TTC6: variants seen among roughly 807,000 people sequenced by gnomAD.
TTC6 encodes tetratricopeptide repeat domain 6, also known as tetratricopeptide repeat protein 6.
TTC6 carries 172 observed loss-of-function variants against 210.4 expected under a neutral mutation model. The ratio of observed to expected loss-of-function variants is 0.82; its 90% confidence interval spans 0.72 to 0.93. TTC6 has a LOEUF of 0.93. TTC6 is among the 40% of genes least tolerant of loss of function. The probability of loss-of-function intolerance (pLI) is 0.00; values close to 1 mark genes in which losing one functional copy is unlikely to be tolerated. For synonymous variants in TTC6, 804 were observed against 819.6 expected, an observed-to-expected ratio of 0.98 and a Z score of 0.32; for missense variants, 2,414 against 2,318.1, an observed-to-expected ratio of 1.04 and a Z score of -0.85.
At chr14:37,783,842 A>G (rs1188403997) in intron 14 of TTC6, among the ~76,000 whole-genome samples, 2 of 152,128 alleles carry the variant, frequency 1.3e-5, no homozygotes, top group East Asian at 1.9e-4. Context: ...CTTTGTTCTC[A>G]CTGGTTTCAA....
At chr14:37,620,331 CCTTA>C (rs376754582), upstream of TTC6, among the ~76,000 whole-genome samples, 9 of 152,180 alleles carry the variant, frequency 5.9e-5, no homozygotes, top group African/African-American at 9.6e-5. Context: ...GGTGTTTCTG[CCTTA>C]CTGTTTTATT....
chr14:37,638,991 T>C (rs1373972084), intron 1 of TTC6, among the ~76,000 whole-genome samples: 12 of 152,228 alleles, frequency 7.9e-5, no homozygotes, highest in Admixed American at 3.9e-4. Context: ...TACAAATGTG[T>C]GTGTACATAC....
At chr14:37,652,230 T>C (rs1435911750) in intron 1 of TTC6, among the ~76,000 whole-genome samples, 2 of 152,112 alleles carry the variant, frequency 1.3e-5, no homozygotes, top group Non-Finnish European at 2.9e-5. Context: ...TTTTTATAGG[T>C]AAAAAATGAT....
intron 1 of TTC6, among the ~76,000 whole-genome samples, chr14:37,644,925 C>T (rs1479694621): frequency 6.6e-6 from 1 of 152,152 alleles, no homozygotes; most frequent in African/African-American, 2.4e-5. Context: ...GTTTTCTTAT[C>T]TGTTCAATAG....
At chr14:37,766,181 C>T (rs28884278) in intron 14 of TTC6, among the ~76,000 whole-genome samples, 2,742 of 152,268 alleles carry the variant, frequency 0.018, 42 homozygotes, top group Non-Finnish European at 0.026. Flanking sequence ...CCTTCTGGAA[C>T]TCACAACATA....
chr14:37,724,679 G>A (rs572121405), intron 6 of TTC6, among the ~76,000 whole-genome samples: 1 of 151,996 alleles, frequency 6.6e-6, no homozygotes, highest in African/African-American at 2.4e-5. Flanking sequence ...GGCCTCCAGC[G>A]TGTTCTACAA....
intron 14 of TTC6, among the ~76,000 whole-genome samples, chr14:37,767,014 T>C (rs2096001532): frequency 6.6e-6 from 1 of 152,122 alleles, no homozygotes. Context: ...GTGATCTCAT[T>C]GTTCAATTCC....
chr14:37,686,111 T>C (rs2095793202), intron 3 of TTC6, among the ~76,000 whole-genome samples: 1 of 152,120 alleles, frequency 6.6e-6, no homozygotes, highest in Non-Finnish European at 1.5e-5. Context: ...GCACAGGCTC[T>C]GCAACTAGAT....
intron 2 of TTC6, chr14:37,611,442 G>A (rs1198039041): frequency 6.6e-6 from 1 of 152,340 alleles, no homozygotes; most frequent in African/African-American, 2.4e-5. Context: ...TGGGCGGAGC[G>A]GTTGTCCCCT....
chr14:37,778,362 TGCATTTGC>T (rs2096044441), intron 14 of TTC6, among the ~76,000 whole-genome samples: 1 of 138,500 alleles, frequency 7.2e-6, no homozygotes, highest in Admixed American at 7.0e-5. Flanking sequence ...TCTCTGTGTG[TGCATTTGC>T]ACTGGCAGCA....
intron 13 of TTC6, among the ~76,000 whole-genome samples, chr14:37,752,552 C>T (rs1310268622): frequency 6.6e-6 from 1 of 150,792 alleles, no homozygotes; most frequent in East Asian, 1.9e-4. Context: ...TTGGTCATCT[C>T]CTTTGTGTTT....
chr14:37,808,500 G>T (rs1380788578), intron 23 of TTC6, among the ~76,000 whole-genome samples: 1 of 152,008 alleles, frequency 6.6e-6, no homozygotes, highest in Admixed American at 6.6e-5. Flanking sequence ...TAAAGTTGTT[G>T]ATATATTTAA....
chr14:37,657,893 CTGACCT>C (rs1196115876), intron 1 of TTC6, among the ~76,000 whole-genome samples: 5 of 152,040 alleles, frequency 3.3e-5, no homozygotes, highest in Non-Finnish European at 7.4e-5. Flanking sequence ...ACATTTTTGT[CTGACCT>C]TGCAGGATGA....
intron 14 of TTC6, among the ~76,000 whole-genome samples, chr14:37,759,104 C>T (rs1053423407): frequency 2.6e-5 from 4 of 151,722 alleles, no homozygotes; most frequent in African/African-American, 9.7e-5. Flanking sequence ...AACTCTGTCT[C>T]TACTAAAAAT....
intron 1 of TTC6, among the ~76,000 whole-genome samples, chr14:37,659,227 G>C (rs35891950): frequency 0.056 from 8,448 of 152,128 alleles, 361 homozygotes; most frequent in Non-Finnish European, 0.087. Context: ...ATTGTTAATA[G>C]TGCTGTAATG....
At chr14:37,646,455 C>G (rs929609493) in intron 1 of TTC6, among the ~76,000 whole-genome samples, 3 of 151,972 alleles carry the variant, frequency 2.0e-5, no homozygotes, top group African/African-American at 7.3e-5. Flanking sequence ...GATGATGAGA[C>G]TATAGGATGG....
intron 1 of TTC6, among the ~76,000 whole-genome samples, chr14:37,633,552 C>T (rs1038799394): frequency 4.6e-5 from 7 of 152,110 alleles, no homozygotes; most frequent in South Asian, 2.1e-4. Context: ...AGCTGCAGAC[C>T]GGAGCTGTTC....
chr14:37,772,460 C>G (rs550488528), intron 14 of TTC6: 5 of 160,838 alleles, frequency 3.1e-5, no homozygotes, highest in Non-Finnish European at 1.3e-5. Context: ...AGGGAGACTC[C>G]GTGGGCGTAG....
chr14:37,810,568 T>G (rs2096127629), intron 24 of TTC6, among the ~76,000 whole-genome samples: 1 of 152,170 alleles, frequency 6.6e-6, no homozygotes, highest in Non-Finnish European at 1.5e-5. Flanking sequence ...CCTGTACTGG[T>G]GTCCACACAT....
Sources: allele counts gnomAD v4.1 joint callset (sites outside exome capture counted in the v4.1 genomes callset), GRCh38; gene constraint gnomAD v4.1.1; transcripts MANE v1.5; gene names NCBI Gene and HGNC (gene_info 2026-07-23, HGNC 2026-07-21).